The following CAP2 variants were observed in gnomAD, a reference collection of about 807,000 sequenced individuals.
The protein encoded by CAP2 is cyclase associated actin cytoskeleton regulatory protein 2, also known as adenylyl cyclase-associated protein 2.
CAP2 carries 24 observed loss-of-function variants against 57.7 expected under a neutral mutation model. The observed-to-expected ratio is 0.42, with a 90% confidence interval of 0.30 to 0.58. The LOEUF is 0.58. CAP2 is among the 20% of genes least tolerant of loss of function. The pLI, the probability that CAP2 is intolerant of heterozygous loss-of-function variation, is 0.22. For missense variants in CAP2, 501 were observed against 590.3 expected, an observed-to-expected ratio of 0.85 and a Z score of 1.57; for synonymous variants, 194 against 207.2, an observed-to-expected ratio of 0.94 and a Z score of 0.55.
rs1182729372 is a variant in CAP2, at chr6:17,397,552, G to A, written c.-2+3806G>A. 2.6e-5 allele frequency among the ~76,000 whole-genome samples: 4 copies of A among 151,964 alleles called. 1 individual carries two copies. In the South Asian group the frequency reaches 8.3e-4, roughly 32 times the overall value. On this transcript the variant is annotated intron_variant, in intron 1 of 12. Transcript: ENST00000229922. Reference sequence around the variant, plus strand: ...TACTAAAAAATACAAAAAATTAGCCGGGCGTGGTGGCGGGCACCTATAGTG... The same window carrying A: ...TACTAAAAAATACAAAAAATTAGCCAGGCGTGGTGGCGGGCACCTATAGTG...
chr6:17,473,007 C>T (rs944330850), intron 4 of CAP2, among the ~76,000 whole-genome samples: 13 of 151,696 alleles, frequency 8.6e-5, no homozygotes, highest in Admixed American at 6.6e-5. Flanking sequence ...TGCTAAGATC[C>T]TGTCCTGTTG....
intron 3 of CAP2, among the ~76,000 whole-genome samples, chr6:17,448,768 CTTT>C (rs68005681): frequency 6.8e-6 from 1 of 147,306 alleles, no homozygotes; most frequent in Non-Finnish European, 1.5e-5. Flanking sequence ...TCTACATTAT[CTTT>C]TTTTTTTTTT....
Position 17,477,453 on chromosome 6 carries a change from A to T in CAP2, c.300+14380A>T, listed in dbSNP as rs1581552735. 3.9e-5 allele frequency among the ~76,000 whole-genome samples: 6 copies of T among 152,312 alleles called. No homozygotes were observed. The South Asian group carries it at 1.2e-3, about 32-fold the overall frequency. On this transcript the variant is annotated intron_variant, in intron 4 of 12. Coordinates refer to ENST00000229922, the MANE Select transcript of CAP2 (RefSeq NM_006366.3). ...GCTCAACAGGAGACAAAATGAATAA[A>T]CCATCCAAAACCAGCCAGACCCCAG...
chr6:17,474,185 CTTTTTT>C (rs544909381), intron 4 of CAP2, among the ~76,000 whole-genome samples: 17 of 93,212 alleles, frequency 1.8e-4, no homozygotes, highest in Admixed American at 5.3e-4. Flanking sequence ...AAAAAACAGT[CTTTTTT>C]TTTTTTTTTT....
At chr6:17,506,319 C>T (rs1258931573) in intron 4 of CAP2, among the ~76,000 whole-genome samples, 1 of 152,112 alleles carries the variant, frequency 6.6e-6, no homozygotes, top group African/African-American at 2.4e-5. Context: ...AGAATGCCAA[C>T]AAAGACTAAA....
At chr6:17,531,257 A>G in intron 7 of CAP2, 1 of 808,174 alleles carries the variant, frequency 1.2e-6, no homozygotes, top group South Asian at 1.3e-5. Flanking sequence ...TGTTAACTGA[A>G]GCCTTGTTGA....
At chr6:17,497,627 A>G (rs1369435410) in intron 4 of CAP2, among the ~76,000 whole-genome samples, 3 of 152,166 alleles carry the variant, frequency 2.0e-5, no homozygotes, top group Admixed American at 6.5e-5. Flanking sequence ...AGCTAATCCC[A>G]TGCCCCTGCC....
chr6:17,531,215 C>T (rs1762630912), intron 7 of CAP2: 2 of 773,082 alleles, frequency 2.6e-6, no homozygotes, highest in South Asian at 2.7e-5. Context: ...TTGGGTACCC[C>T]CATGCAGTGT....
At chr6:17,432,405 G>T (rs1454765060) in intron 3 of CAP2, among the ~76,000 whole-genome samples, 2 of 152,040 alleles carry the variant, frequency 1.3e-5, no homozygotes, top group African/African-American at 4.8e-5. Flanking sequence ...TCCCCACTCT[G>T]CCTTCAGCCA....
intron 2 of CAP2, among the ~76,000 whole-genome samples, chr6:17,423,806 T>C (rs1224442276): frequency 6.6e-6 from 1 of 152,174 alleles, no homozygotes; most frequent in Non-Finnish European, 1.5e-5. Flanking sequence ...ATATAACAAA[T>C]CGTTCCAAAC....
intron 4 of CAP2, among the ~76,000 whole-genome samples, chr6:17,489,133 C>T (rs1581562681): frequency 1.3e-5 from 2 of 152,240 alleles, no homozygotes; most frequent in Admixed American, 1.3e-4. Context: ...CACAGAGAAA[C>T]TACCTTTAAA....
At chr6:17,535,564 G>A (rs1179925558) in intron 7 of CAP2, among the ~76,000 whole-genome samples, 2 of 148,822 alleles carry the variant, frequency 1.3e-5, no homozygotes, top group South Asian at 2.2e-4. Context: ...GTGAGCCACC[G>A]TGACTGGCCA....
intron 4 of CAP2, among the ~76,000 whole-genome samples, chr6:17,479,196 C>T (rs1024689604): frequency 2.6e-5 from 4 of 152,070 alleles, no homozygotes; most frequent in African/African-American, 9.7e-5. Flanking sequence ...GCGTCTGTAC[C>T]ACACACACAC....
At chr6:17,410,803 C>G (rs560393978) in intron 1 of CAP2, among the ~76,000 whole-genome samples, 19 of 152,304 alleles carry the variant, frequency 1.2e-4, no homozygotes, top group African/African-American at 4.6e-4. Context: ...TCGTGATCTG[C>G]CCGCTTCGGC....
chr6:17,397,916 T>C lies in CAP2; in HGVS notation c.-2+4170T>C, dbSNP rs1426523427. 2.0e-5 allele frequency among the ~76,000 whole-genome samples: 3 copies of C among 151,052 alleles called. No homozygotes were observed. The East Asian group carries it at 5.8e-4, about 29-fold the overall frequency. On this transcript the variant is annotated intron_variant, in intron 1 of 12. Coordinates refer to ENST00000229922, the MANE Select transcript of CAP2 (RefSeq NM_006366.3). ...TCTTCACTGTGAATGTGCCATGTATTTTAATGGGAAAAAAAAAAAAAGAAA... is the reference window on the plus strand; with the variant it reads ...TCTTCACTGTGAATGTGCCATGTATCTTAATGGGAAAAAAAAAAAAAGAAA...
At chr6:17,525,812 A>T (rs1210004545) in intron 7 of CAP2, among the ~76,000 whole-genome samples, 1 of 152,128 alleles carries the variant, frequency 6.6e-6, no homozygotes, top group Non-Finnish European at 1.5e-5. Flanking sequence ...AGCCTTCCAA[A>T]CTAGACACGC....
intron 7 of CAP2, 92 bp from the exon 8 acceptor site, chr6:17,539,177 C>T (rs1174860437): frequency 6.7e-6 from 8 of 1,190,536 alleles, no homozygotes; most frequent in African/African-American, 6.1e-5. Context: ...ACCCCACTCT[C>T]TCATTGGCAG....
chr6:17,527,499 A>C (rs1233385976), intron 7 of CAP2, among the ~76,000 whole-genome samples: 1 of 152,190 alleles, frequency 6.6e-6, no homozygotes, highest in African/African-American at 2.4e-5. Context: ...CAAACTAATA[A>C]TTATGGCCAC....
intron 3 of CAP2, among the ~76,000 whole-genome samples, chr6:17,456,691 G>A (rs1463627538): frequency 4.6e-5 from 7 of 152,128 alleles, no homozygotes; most frequent in Admixed American, 3.3e-4. Flanking sequence ...AGGAAGAGGG[G>A]CCCCTTCCCT....
Sources: gnomAD v4.1 joint callset for allele counts (sites outside exome capture counted in the v4.1 genomes callset) on GRCh38, gnomAD v4.1.1 for gene constraint, MANE v1.5 for transcripts, NCBI Gene and HGNC (gene_info 2026-07-23, HGNC 2026-07-21) for gene names.